FANCI: variants seen among roughly 807,000 people sequenced by gnomAD.
The protein encoded by FANCI is FA complementation group I.
Under a neutral mutation model 176.1 loss-of-function variants are expected in FANCI, and 156 were observed. That is an observed-to-expected ratio of 0.89 (90% confidence interval 0.78 to 1.01). FANCI has a LOEUF of 1.01. Among genes scored for constraint, FANCI ranks in the 50% least tolerant of loss-of-function variants. FANCI has a pLI of 0.00. For synonymous variants in FANCI, 613 were observed against 541.7 expected (o/e 1.13, Z -1.83); for missense variants, 1,678 against 1,534.1 (o/e 1.09, Z -1.57).
chr15:89,281,025 A>C, intron 14 of FANCI, 145 bp from the exon 15 acceptor site: 1 of 754,286 alleles, frequency 1.3e-6, no homozygotes. Flanking sequence ...AAGTATATAT[A>C]GAATCAGTAG....
At chr15:89,295,417 G>T (rs1257671975) in intron 24 of FANCI, among the ~76,000 whole-genome samples, 1 of 149,998 alleles carries the variant, frequency 6.7e-6, no homozygotes, top group Non-Finnish European at 1.5e-5. Context: ...TGTAATCCCA[G>T]CACTTTGGGA....
intron 4 of FANCI, 36 bp downstream of exon 4, chr15:89,260,879 G>A: frequency 6.2e-7 from 1 of 1,610,920 alleles, no homozygotes; most frequent in South Asian, 1.1e-5. Flanking sequence ...TTTGGGGGTA[G>A]GTTTTTGAGG....
chr15:89,302,561 G>A (rs1394269413), intron 27 of FANCI, among the ~76,000 whole-genome samples: 2 of 151,594 alleles, frequency 1.3e-5, no homozygotes, highest in Non-Finnish European at 2.9e-5. Context: ...ACTTCAGGTA[G>A]TCTCTTTAAA....
chr15:89,295,731 C>CT, intron 24 of FANCI, among the ~76,000 whole-genome samples: 2 of 118,490 alleles, frequency 1.7e-5, no homozygotes, highest in East Asian at 2.3e-4. Flanking sequence ...CTTCCCCTGG[C>CT]GCCCCCCCCA....
intron 13 of FANCI, among the ~76,000 whole-genome samples, chr15:89,278,105 G>C (rs554202043): frequency 6.6e-6 from 1 of 151,950 alleles, no homozygotes; most frequent in African/African-American, 2.4e-5. Context: ...CATGGATGTC[G>C]GCTTTATCAA....
downstream of FANCI, chr15:89,317,199 AAAC>A: frequency 1.6e-6 from 1 of 640,770 alleles, no homozygotes; most frequent in South Asian, 1.9e-5. Context: ...TTCATTTCTG[AAAC>A]ATCATATCAC....
chr15:89,298,797 A>G (rs972930381), intron 24 of FANCI, among the ~76,000 whole-genome samples: 1 of 152,192 alleles, frequency 6.6e-6, no homozygotes, highest in Non-Finnish European at 1.5e-5. Flanking sequence ...TAAAAAATAG[A>G]TAATAGAATA....
intron 10 of FANCI, among the ~76,000 whole-genome samples, chr15:89,271,986 G>C (rs1196557030): frequency 6.6e-6 from 1 of 152,122 alleles, no homozygotes; most frequent in Non-Finnish European, 1.5e-5. Flanking sequence ...AGAACTGCTG[G>C]CTTATATGAG....
chr15:89,292,306 C>T (rs2054098964), intron 20 of FANCI, among the ~76,000 whole-genome samples: 1 of 152,216 alleles, frequency 6.6e-6, no homozygotes, highest in African/African-American at 2.4e-5. Flanking sequence ...CAGCCTAGAT[C>T]TAAGATGCTG....
In FANCI at chr15:89,306,226, C is replaced by T. The variant is rs773735508; in HGVS notation, c.3537+32C>T. 21 of 1,606,770 alleles carry T rather than the reference C, an allele frequency of 1.3e-5. No homozygotes were observed. The South Asian group carries it at 2.2e-4, about 17-fold the overall frequency. On this transcript the variant is annotated intron_variant, in intron 32 of 37. Transcript: ENST00000310775. Reference sequence around the variant, plus strand: ...ATTTGAGACAAGCAGATTCGCCCCACCATTCTACCCCAGTGAGCCAGGAGA... The same window carrying T: ...ATTTGAGACAAGCAGATTCGCCCCATCATTCTACCCCAGTGAGCCAGGAGA...
At chr15:89,298,895 C>T (rs1248603068) in intron 24 of FANCI, among the ~76,000 whole-genome samples, 4 of 152,106 alleles carry the variant, frequency 2.6e-5, no homozygotes, top group South Asian at 2.1e-4. Flanking sequence ...CCTGGCCGGG[C>T]GTGGTAGCTC....
chr15:89,253,772 T>G (rs2052369809), intron 2 of FANCI, among the ~76,000 whole-genome samples: 1 of 113,740 alleles, frequency 8.8e-6, no homozygotes, highest in Non-Finnish European at 1.7e-5. Flanking sequence ...TATCCCTAAT[T>G]CATAAATAAC....
At chr15:89,298,777 C>G (rs1442803730) in intron 24 of FANCI, among the ~76,000 whole-genome samples, 1 of 152,128 alleles carries the variant, frequency 6.6e-6, no homozygotes, top group African/African-American at 2.4e-5. Context: ...ACTACTGATC[C>G]TACAGATGCT....
Position 89,281,746 on chromosome 15 carries a change from C to A in FANCI, c.1513-19C>A. The A allele has an allele frequency of 6.2e-7, 1 of 1,612,118 alleles. No homozygotes were observed. Among genetic ancestry groups the A allele is most frequent in the South Asian group, 1.1e-5 (1 of 91,046 alleles). The stretch of plus-strand genomic sequence containing the variant: ...AATAAGCAAACTTGTTCTGTTTTTA[C>A]CCACTGATTCTTTTTCAGCCCCTTC... On this transcript the variant is annotated intron_variant, in intron 15 of 37. Coordinates refer to ENST00000310775, the MANE Select transcript of FANCI (RefSeq NM_001113378.2).
intron 2 of FANCI, among the ~76,000 whole-genome samples, chr15:89,255,993 G>C (rs1251581691): frequency 6.6e-6 from 1 of 152,208 alleles, no homozygotes; most frequent in Non-Finnish European, 1.5e-5. Context: ...AACAGATTAA[G>C]TTGCCTGAGG....
intron 34 of FANCI, among the ~76,000 whole-genome samples, chr15:89,308,369 G>C (rs2054810288): frequency 1.3e-5 from 2 of 152,190 alleles, no homozygotes; most frequent in Admixed American, 1.3e-4. Context: ...TCGTTGGAAA[G>C]AGGAAGAAAC....
At chr15:89,315,638 GTGGGTCC>G (rs2055205211) in intron 37 of FANCI, among the ~76,000 whole-genome samples, 1 of 148,924 alleles carries the variant, frequency 6.7e-6, no homozygotes, top group Non-Finnish European at 1.5e-5. Flanking sequence ...ATGTCCTGCT[GTGGGTCC>G]TCTTCCTGTT....
At chr15:89,281,881 G>A (rs371774997) in intron 16 of FANCI, 46 bp downstream of exon 16, 4 of 1,563,196 alleles carry the variant, frequency 2.6e-6, no homozygotes, top group Middle Eastern at 1.7e-4. Context: ...GTCTTCTAAT[G>A]TTGGAGCTAA....
chr15:89,290,304 T>C, intron 19 of FANCI, 23 bp downstream of exon 19: 1 of 1,570,540 alleles, frequency 6.4e-7, no homozygotes, highest in South Asian at 1.1e-5. Context: ...TTTATGGATA[T>C]ATGGAAAACA....
Sources: allele counts gnomAD v4.1 joint callset (sites outside exome capture counted in the v4.1 genomes callset), GRCh38; gene constraint gnomAD v4.1.1; transcripts MANE v1.5; gene names NCBI Gene and HGNC (gene_info 2026-07-23, HGNC 2026-07-21).